NTF4: variants seen among roughly 807,000 people sequenced by gnomAD.
NTF4 encodes the protein neurotrophin-4.
A neutral mutation model predicts 4.4 loss-of-function variants in NTF4; 2 were observed. The observed-to-expected ratio is 0.46, with a 90% CI of 0.19 to 1.44. NTF4 has a LOEUF of 1.44. Ranked by LOEUF, NTF4 falls within the 40% of genes most tolerant of loss-of-function variation. The pLI, the probability that NTF4 is intolerant of heterozygous loss-of-function variation, is 0.26. For synonymous variants in NTF4, 127 were observed against 122.0 expected (o/e 1.04, Z -0.27); for missense variants, 260 against 293.0 (o/e 0.89, Z 0.82).
At position 49,061,990 on chromosome 19, in the gene NTF4, G is replaced by A; in HGVS notation, c.8C>T (p.Pro3Leu). 1 of 1,469,766 alleles carries A rather than the reference G, an allele frequency of 6.8e-7. No homozygotes were observed. The highest frequency in any genetic ancestry group is 1.4e-5 in the African/African-American group (1 of 71,056). The allele number at this position is 1,469,766 out of a possible 1,614,324, so 91.0% of individuals were successfully genotyped here. The change falls in exon 1 of 1, where the codon CCT becomes CTT. Residue 3 changes from proline (P) to leucine (L), a missense_variant. Physicochemically the swap from Pro to Leu is moderately conservative, Grantham distance 98 (BLOSUM62 -3). Coordinates refer to ENST00000593537, the Ensembl canonical transcript of NTF4. The surrounding 1 kb of genome is among the most constrained non-coding windows in gnomAD (Gnocchi z 4.9). ...GATGGGGAGGGAGCATGAGGGGAGA[G>A]GGAGCATCTCTCGGAGCACCTGGAG...
chr19:49,061,152 C>G lies in NTF4; in HGVS notation c.*213G>C. The stretch of plus-strand genomic sequence containing the variant: ...ATAGTGGCTATTATTATTATATCAT[C>G]ATCATTATTACCCTCAAGTTGCTCC... On this transcript the variant is annotated 3_prime_UTR_variant, in exon 1 of 1. Coordinates refer to ENST00000593537, the Ensembl canonical transcript of NTF4. The surrounding 1 kb of genome is among the most constrained non-coding windows in gnomAD (Gnocchi z 4.9). The G allele has an allele frequency of 1.3e-6, 1 of 769,026 alleles. No individual in the cohort carries two copies. Among genetic ancestry groups the G allele is most frequent in the East Asian group, 2.7e-5 (1 of 36,664 alleles). The allele number at this position is 769,026 out of a possible 1,614,324, so 47.6% of individuals were successfully genotyped here.
chr19:49,061,270 T>TA lies in NTF4; in HGVS notation c.*94dup. 1 of 1,571,180 alleles carries TA rather than the reference T, an allele frequency of 6.4e-7. No individual in the cohort carries two copies. The highest frequency in any genetic ancestry group is 8.6e-7 in the Non-Finnish European group (1 of 1,163,330). ...AATCAGAGAATTGTGATTTTGTGAT[T>TA]ATTTGATGAGTTCCCAAACTGGGGT... On this transcript the variant is annotated 3_prime_UTR_variant, in exon 1 of 1. Transcript: ENST00000593537. The surrounding 1 kb of genome is among the most constrained non-coding windows in gnomAD (Gnocchi z 4.9).
At chr19:49,061,057 A>G, downstream of NTF4, 1 of 423,950 alleles carries the variant, frequency 2.4e-6, no homozygotes, top group African/African-American at 2.0e-5. The surrounding 1 kb of genome is among the most constrained non-coding windows in gnomAD (Gnocchi z 4.9). Context: ...AGGGCCACCA[A>G]TGATCAAATC....
In NTF4 at chr19:49,061,827, A is replaced by G; in HGVS notation, c.171T>C (p.Pro57=). 6.4e-7 allele frequency: 1 copy of G among 1,550,668 alleles called. No individual in the cohort carries two copies. Among genetic ancestry groups the G allele is most frequent in the South Asian group, 1.2e-5 (1 of 84,284 alleles). The change falls in exon 1 of 1, where the codon CCT becomes CCC. Residue 57 remains proline (P), a synonymous_variant. Coordinates refer to ENST00000593537, the Ensembl canonical transcript of NTF4. The surrounding 1 kb of genome is among the most constrained non-coding windows in gnomAD (Gnocchi z 4.9). ...CCCCAGCCTCCAGCAGGAAGAGCAG[A>G]GGGGGCCCAGCAGGGGCACCCCTAG...
In NTF4 at chr19:49,061,990, G is replaced by T; in HGVS notation, c.8C>A (p.Pro3His). ...GATGGGGAGGGAGCATGAGGGGAGA[G>T]GGAGCATCTCTCGGAGCACCTGGAG... is the stretch of plus-strand genomic sequence containing the variant. The change falls in exon 1 of 1, where the codon CCT becomes CAT. Residue 3 changes from proline to histidine, a missense_variant. Pro to His is a moderately conservative substitution (Grantham distance 77). Coordinates refer to ENST00000593537, the Ensembl canonical transcript of NTF4. This position sits in a 1 kb window ranked among gnomAD's most constrained non-coding sequence, Gnocchi z 4.9. 1 of 1,469,766 alleles carries T rather than the reference G, an allele frequency of 6.8e-7. No homozygotes were observed. 91.0% of individuals were successfully genotyped at this position (1,469,766 alleles called of 1,614,324 possible).
At chr19:49,062,044 A>T, upstream of NTF4, 1 of 1,429,822 alleles carries the variant, frequency 7.0e-7, no homozygotes, top group Non-Finnish European at 9.2e-7. Flanking sequence ...GGATTAGAGA[A>T]GGGGGTAAAA....
chr19:49,062,837 C>T (rs903674194), upstream of NTF4, among the ~76,000 whole-genome samples: 4 of 152,074 alleles, frequency 2.6e-5, no homozygotes, highest in African/African-American at 4.8e-5. Flanking sequence ...ACTACTATTA[C>T]TTAACAGTAA....
upstream of NTF4, chr19:49,064,854 A>AGCCCCGCCCCGGTCG (rs1433234051): frequency 6.6e-6 from 1 of 152,260 alleles, no homozygotes; most frequent in Non-Finnish European, 1.5e-5. Context: ...TCCTCCGCCA[A>AGCCCCGCCCCGGTCG]GCCCCGCCCC....
chr19:49,061,443 C>G lies in NTF4; in HGVS notation c.555G>C (p.Gln185His), dbSNP rs1199115885. ...GAATCCATCGCCAGCCCACACGGCC[C>G]TGGGCATCAGCGGTCAATGCCCGCA... Residue 185 changes from glutamine to histidine, a missense_variant, in exon 1 of 1, where the codon CAG (glutamine) becomes CAC (histidine). Physicochemically the swap from Gln to His is conservative, Grantham distance 24. Transcript: ENST00000593537. The surrounding 1 kb of genome is among the most constrained non-coding windows in gnomAD (Gnocchi z 4.9). 1 of 1,613,992 alleles carries G rather than the reference C, an allele frequency of 6.2e-7. No homozygotes were observed. Among genetic ancestry groups the G allele is most frequent in the Non-Finnish European group, 8.5e-7 (1 of 1,179,998 alleles).
rs1192072870 is a variant in NTF4 at position 49,061,308 on chromosome 19, T to C, written c.*57A>G. ...CCCAAACTGGGGTCCTTAGATCAGC[T>C]GGGCCATCCCTGAGGTCTCTCAGCA... On this transcript the variant is annotated 3_prime_UTR_variant, in exon 1 of 1. Transcript: ENST00000593537. The surrounding 1 kb of genome is among the most constrained non-coding windows in gnomAD (Gnocchi z 4.9). The C allele has an allele frequency of 3.7e-5, 59 of 1,607,300 alleles. No homozygotes were observed. The Admixed American group carries it at 9.7e-4, about 26-fold the overall frequency.
chr19:49,058,928 G>A (rs1474391203), downstream of NTF4: 2 of 152,928 alleles, frequency 1.3e-5, no homozygotes, highest in African/African-American at 4.8e-5. Flanking sequence ...GACTCCAAGA[G>A]GGGCACAGAG....
chr19:49,063,367 G>A (rs569550980), upstream of NTF4, among the ~76,000 whole-genome samples: 266 of 150,518 alleles, frequency 1.8e-3, no homozygotes, highest in Admixed American at 4.2e-3. Context: ...GCCCAGGCTG[G>A]AGTGCAGTGG....
upstream of NTF4, chr19:49,064,990 CG>C (rs1316799069): frequency 6.6e-6 from 1 of 152,396 alleles, no homozygotes; most frequent in Non-Finnish European, 1.5e-5. Flanking sequence ...GCCCTCCGCC[CG>C]GCAGCAGCTC....
At chr19:49,060,686 G>A (rs2122218994), downstream of NTF4, 1 of 152,594 alleles carries the variant, frequency 6.6e-6, no homozygotes, top group Middle Eastern at 3.4e-3. Flanking sequence ...TAGAGTAAAG[G>A]TTGGGACAGG....
At chr19:49,059,279 C>T (rs563404961), downstream of NTF4, among the ~76,000 whole-genome samples, 27 of 152,270 alleles carry the variant, frequency 1.8e-4, no homozygotes, top group African/African-American at 6.5e-4. Context: ...AGCTGTCCTG[C>T]CTGCCTTTGA....
chr19:49,061,379 T>C lies in NTF4; in HGVS notation c.619A>G (p.Thr207Ala). 2.5e-6 allele frequency: 4 copies of C among 1,612,388 alleles called. No homozygotes were observed. The highest frequency in any genetic ancestry group is 3.4e-6 in the Non-Finnish European group (4 of 1,180,018). The change falls in exon 1 of 1, where the codon ACT becomes GCT. Residue 207 changes from threonine to alanine, a missense_variant. Thr to Ala is a moderately conservative substitution (Grantham distance 58). Coordinates refer to ENST00000593537, the Ensembl canonical transcript of NTF4. This position sits in a 1 kb window ranked among gnomAD's most constrained non-coding sequence, Gnocchi z 4.9. Reference sequence around the variant, plus strand: ...GGGCATGGGTCTCAGGCCCGGCCAGTCCGGCTGAGGAGTGTGCAGACGCAG... The same window carrying C: ...GGGCATGGGTCTCAGGCCCGGCCAGCCCGGCTGAGGAGTGTGCAGACGCAG...
chr19:49,059,322 G>C (rs1335678448), downstream of NTF4, among the ~76,000 whole-genome samples: 2 of 152,142 alleles, frequency 1.3e-5, no homozygotes, highest in Non-Finnish European at 2.9e-5. Context: ...GGTAGGCTGG[G>C]TGGGGAAAGA....
chr19:49,063,004 T>C (rs1271833053), upstream of NTF4, among the ~76,000 whole-genome samples: 1 of 145,754 alleles, frequency 6.9e-6, no homozygotes, highest in African/African-American at 2.6e-5. Flanking sequence ...TGGAGGATGT[T>C]CCAAACAATT....
At chr19:49,062,136 G>A (rs552522394), upstream of NTF4, 5 of 1,054,638 alleles carry the variant, frequency 4.7e-6, no homozygotes, top group East Asian at 1.1e-4. Flanking sequence ...CTAGAAGTTT[G>A]GGGGACCCTA....
Sources: allele counts gnomAD v4.1 joint callset (sites outside exome capture counted in the v4.1 genomes callset), GRCh38; gene constraint gnomAD v4.1.1; non-coding constraint Gnocchi (gnomAD v3.1); transcripts MANE v1.5; gene names NCBI Gene and HGNC (gene_info 2026-07-23, HGNC 2026-07-21).